SGCZ: variants seen among roughly 807,000 people sequenced by gnomAD.
SGCZ encodes the protein zeta-sarcoglycan.
SGCZ carries 40 observed loss-of-function variants against 41.3 expected under a neutral mutation model. The ratio of observed to expected loss-of-function variants is 0.97; its 90% CI spans 0.75 to 1.26. The LOEUF (loss-of-function observed/expected upper bound fraction) is 1.26, where lower values mean the gene tolerates loss of function less well. SGCZ is among the 50% of genes most tolerant of loss of function. The pLI, the probability that SGCZ is intolerant of heterozygous loss-of-function variation, is 0.00. For missense variants in SGCZ, 552 were observed against 369.8 expected (o/e 1.49, Z -4.04); for synonymous variants, 206 against 137.5 (o/e 1.50, Z -3.49).
At chr8:14,322,182 T>A (rs1218672860) in intron 3 of SGCZ, among the ~76,000 whole-genome samples, 2 of 152,130 alleles carry the variant, frequency 1.3e-5, no homozygotes, top group African/African-American at 2.4e-5. Flanking sequence ...AGTGTATGAG[T>A]CCACTCCTAT....
intron 3 of SGCZ, among the ~76,000 whole-genome samples, chr8:14,261,692 G>C (rs1799674020): frequency 6.6e-6 from 1 of 152,092 alleles, no homozygotes; most frequent in Admixed American, 6.6e-5. Flanking sequence ...GCAATGTAAA[G>C]CTGAACAAAA....
intron 1 of SGCZ, among the ~76,000 whole-genome samples, chr8:14,836,692 G>T (rs117889073): frequency 6.6e-6 from 1 of 152,070 alleles, no homozygotes; most frequent in Non-Finnish European, 1.5e-5. Context: ...GTAGAGACAC[G>T]GTTTTACCGT....
chr8:14,660,715 G>C (rs2117481920), intron 1 of SGCZ, among the ~76,000 whole-genome samples: 1 of 152,072 alleles, frequency 6.6e-6, no homozygotes, highest in East Asian at 1.9e-4. Context: ...ATTATAGGCA[G>C]AACAAAGAGT....
chr8:14,446,967 C>G lies in SGCZ; in HGVS notation c.234+107765G>C, dbSNP rs532505329. 6.4e-4 allele frequency among the ~76,000 whole-genome samples: 98 copies of G among 152,270 alleles called. 1 individual carries two copies. The highest frequency in any genetic ancestry group is 2.3e-3 in the African/African-American group (96 of 41,562). The stretch of plus-strand genomic sequence containing the variant: ...TATATTTTACCAAAAGATTAACTTT[C>G]AAGCAAAAGCTTTAGATCTTTGAAA... On this transcript the variant is annotated intron_variant, in intron 2 of 7. Coordinates refer to ENST00000382080, the MANE Select transcript of SGCZ (RefSeq NM_139167.4).
At chr8:15,221,863 T>C (rs1801614452) in intron 1 of SGCZ, among the ~76,000 whole-genome samples, 2 of 152,184 alleles carry the variant, frequency 1.3e-5, no homozygotes, top group African/African-American at 4.8e-5. Flanking sequence ...AGTTGCTCAG[T>C]ACTTCAAAAA....
chr8:14,912,306 T>G (rs1212334718), intron 1 of SGCZ, among the ~76,000 whole-genome samples: 1 of 152,006 alleles, frequency 6.6e-6, no homozygotes, highest in African/African-American at 2.4e-5. Context: ...TAATGCTTAA[T>G]GAGCCCTACC....
At chr8:15,147,576 C>A (rs1005198618) in intron 1 of SGCZ, among the ~76,000 whole-genome samples, 1 of 152,206 alleles carries the variant, frequency 6.6e-6, no homozygotes, top group African/African-American at 2.4e-5. Flanking sequence ...CCGTACCCGG[C>A]TGACACTTCC....
At chr8:14,715,750 G>A (rs994249245) in intron 1 of SGCZ, among the ~76,000 whole-genome samples, 9 of 152,104 alleles carry the variant, frequency 5.9e-5, no homozygotes, top group South Asian at 4.1e-4. Flanking sequence ...AGATCTGTCA[G>A]AAGTAAATAT....
rs542491865 is a variant in SGCZ, at chr8:14,856,157, A to T, written c.40-301231T>A. On this transcript the variant is annotated intron_variant, in intron 1 of 7. Coordinates refer to ENST00000382080, the MANE Select transcript of SGCZ (RefSeq NM_139167.4). The stretch of plus-strand genomic sequence containing the variant: ...GGATCAAGATATAAATTCCATTTTA[A>T]TACACTTTTTGTGGTGTTTAAGATT... Among the ~76,000 whole-genome samples, 26 of 152,334 alleles carry T rather than the reference A, an allele frequency of 1.7e-4. No individual in the cohort carries two copies. The South Asian group carries it at 5.4e-3, about 32-fold the overall frequency.
intron 1 of SGCZ, among the ~76,000 whole-genome samples, chr8:14,883,371 G>A (rs116341886): frequency 2.0e-5 from 3 of 151,970 alleles, no homozygotes; most frequent in Admixed American, 6.6e-5. Context: ...TGAAGAGAAG[G>A]CAAGACTCTA....
chr8:14,634,143 A>AT (rs1482431044), intron 1 of SGCZ, among the ~76,000 whole-genome samples: 1 of 151,866 alleles, frequency 6.6e-6, no homozygotes, highest in Non-Finnish European at 1.5e-5. Context: ...TCAGAAAAAA[A>AT]TTTTTTAAAG....
intron 4 of SGCZ, among the ~76,000 whole-genome samples, chr8:14,224,862 C>T (rs1392643066): frequency 6.6e-6 from 1 of 152,166 alleles, no homozygotes; most frequent in Non-Finnish European, 1.5e-5. Context: ...GTTACTTATA[C>T]TGTGACCCTA....
intron 1 of SGCZ, among the ~76,000 whole-genome samples, chr8:14,635,715 C>G (rs1806805320): frequency 6.6e-6 from 1 of 151,152 alleles, no homozygotes; most frequent in Admixed American, 6.6e-5. Flanking sequence ...AAGCCGTGTT[C>G]CAACTGACAG....
At chr8:14,520,874 A>T (rs1036602314) in intron 2 of SGCZ, among the ~76,000 whole-genome samples, 2 of 152,140 alleles carry the variant, frequency 1.3e-5, no homozygotes, top group Admixed American at 6.6e-5. Context: ...GGATGTACTT[A>T]AAAAAATCAA....
intron 1 of SGCZ, among the ~76,000 whole-genome samples, chr8:14,671,485 T>G (rs1808100343): frequency 6.6e-6 from 1 of 152,208 alleles, no homozygotes; most frequent in Non-Finnish European, 1.5e-5. Flanking sequence ...TAAAATTATT[T>G]GAAAAGATCT....
chr8:14,180,821 T>C (rs899951774), intron 4 of SGCZ, among the ~76,000 whole-genome samples: 3 of 151,906 alleles, frequency 2.0e-5, no homozygotes, highest in Admixed American at 2.0e-4. Flanking sequence ...ATCTGCCAAG[T>C]GGCGATGGCT....
chr8:14,174,853 C>T (rs774686742), intron 4 of SGCZ, among the ~76,000 whole-genome samples: 1 of 152,068 alleles, frequency 6.6e-6, no homozygotes, highest in Non-Finnish European at 1.5e-5. Flanking sequence ...CTTAAAGGCT[C>T]TGAGAAAAGG....
intron 1 of SGCZ, among the ~76,000 whole-genome samples, chr8:15,018,478 T>C (rs768867927): frequency 1.3e-5 from 2 of 152,156 alleles, no homozygotes; most frequent in African/African-American, 2.4e-5. Flanking sequence ...GGAGGTGATA[T>C]TTAAGCTGAG....
At chr8:14,839,173 T>G (rs1224366660) in intron 1 of SGCZ, among the ~76,000 whole-genome samples, 1 of 151,984 alleles carries the variant, frequency 6.6e-6, no homozygotes, top group African/African-American at 2.4e-5. Context: ...ATATTGATAG[T>G]GAAATAGCGG....
Sources: gnomAD v4.1 joint callset for allele counts (sites outside exome capture counted in the v4.1 genomes callset) on GRCh38, gnomAD v4.1.1 for gene constraint, MANE v1.5 for transcripts, NCBI Gene and HGNC (gene_info 2026-07-23, HGNC 2026-07-21) for gene names.